Variants in TTC29 observed in about 807,000 individuals in gnomAD.
TTC29 encodes the protein tetratricopeptide repeat domain 29, also known as tetratricopeptide repeat protein 29.
In TTC29, 49 loss-of-function variants were observed where a neutral mutation model predicts 58.1. That is an observed-to-expected ratio of 0.84 (90% CI 0.67 to 1.07). The LOEUF is 1.07. Ranked by LOEUF, TTC29 falls within the 50% of genes least tolerant of loss-of-function variation. The pLI is 0.00. For synonymous variants in TTC29, 209 were observed against 196.8 expected (o/e 1.06, Z -0.52); for missense variants, 582 against 555.6 (o/e 1.05, Z -0.48).
chr4:146,920,134 C>T (rs975555680), intron 4 of TTC29, among the ~76,000 whole-genome samples: 1 of 150,964 alleles, frequency 6.6e-6, no homozygotes, highest in Non-Finnish European at 1.5e-5. Context: ...ATTCATGATT[C>T]CCCATTAAAT....
intron 11 of TTC29, among the ~76,000 whole-genome samples, chr4:146,708,798 C>A (rs1035145459): frequency 6.6e-6 from 1 of 152,002 alleles, no homozygotes; most frequent in Non-Finnish European, 1.5e-5. Context: ...TGTCCTATAT[C>A]CTTACCCTAT....
chr4:146,818,960 C>G (rs1438231771), intron 10 of TTC29, among the ~76,000 whole-genome samples: 1 of 151,690 alleles, frequency 6.6e-6, no homozygotes, highest in Non-Finnish European at 1.5e-5. Context: ...GGAGGGATAG[C>G]ATTAGGAGAG....
intron 4 of TTC29, among the ~76,000 whole-genome samples, chr4:146,930,438 G>A (rs963284655): frequency 1.3e-5 from 2 of 152,102 alleles, no homozygotes; most frequent in African/African-American, 4.8e-5. Context: ...GGTAATATCT[G>A]TGGAAACCCT....
At position 146,903,711 on chromosome 4, in the gene TTC29, T is replaced by C; in HGVS notation, c.419A>G (p.His140Arg). The change falls in exon 6 of 13, where the codon CAT becomes CGT. Residue 140 changes from histidine (H) to arginine (R), a missense_variant. Physicochemically the swap from His to Arg is conservative, Grantham distance 29. Coordinates refer to ENST00000325106, the MANE Select transcript of TTC29 (RefSeq NM_031956.4). ...ACAGGCCAGAGCATACAAGTTATTA[T>C]GTACATCTTCGAAGGATTCTTCAAA... The part of the protein sequence containing the change: ...AERKESFEDV[H>R]NNLYALACYF... 5 of 1,599,234 alleles carry C rather than the reference T, an allele frequency of 3.1e-6. No individual in the cohort carries two copies. The highest frequency in any genetic ancestry group is 4.3e-6 in the Non-Finnish European group (5 of 1,173,318).
chr4:146,744,564 T>C (rs1390955519), intron 11 of TTC29, among the ~76,000 whole-genome samples: 1 of 152,126 alleles, frequency 6.6e-6, no homozygotes, highest in East Asian at 1.9e-4. Flanking sequence ...TTCTATACAT[T>C]CTAGTTCTAT....
chr4:146,893,599 A>G (rs1732539780), intron 6 of TTC29, among the ~76,000 whole-genome samples: 1 of 152,214 alleles, frequency 6.6e-6, no homozygotes, highest in Non-Finnish European at 1.5e-5. Flanking sequence ...AACCTAGGCA[A>G]TACCATTCAG....
intron 8 of TTC29, among the ~76,000 whole-genome samples, chr4:146,853,839 C>T (rs1241671443): frequency 6.6e-6 from 1 of 152,104 alleles, no homozygotes; most frequent in Non-Finnish European, 1.5e-5. Context: ...AGGAAGCCTA[C>T]AAGCTAAGTG....
chr4:146,828,621 A>G (rs1054272211), intron 9 of TTC29, among the ~76,000 whole-genome samples: 1 of 152,148 alleles, frequency 6.6e-6, no homozygotes, highest in Non-Finnish European at 1.5e-5. Context: ...CAAGATATAT[A>G]CAAACAAAGA....
chr4:146,911,939 G>C (rs558211107), intron 4 of TTC29, among the ~76,000 whole-genome samples: 1 of 152,156 alleles, frequency 6.6e-6, no homozygotes, highest in Non-Finnish European at 1.5e-5. Flanking sequence ...AGCTATGTCT[G>C]CAAAGATGGA....
At chr4:146,945,202 A>G (rs1736815828) in intron 1 of TTC29, 125 bp from the exon 2 acceptor site, 1 of 152,246 alleles carries the variant, frequency 6.6e-6, no homozygotes, top group Admixed American at 6.5e-5. Flanking sequence ...ACTTCCTACC[A>G]TCTAAGTTTA....
At chr4:146,765,619 C>T (rs1181329554) in intron 11 of TTC29, among the ~76,000 whole-genome samples, 4 of 152,172 alleles carry the variant, frequency 2.6e-5, no homozygotes, top group Non-Finnish European at 4.4e-5. Context: ...ATACTAAGTA[C>T]GTGATCCTTC....
At chr4:146,745,656 T>C (rs1159017473) in intron 11 of TTC29, among the ~76,000 whole-genome samples, 1 of 152,238 alleles carries the variant, frequency 6.6e-6, no homozygotes, top group South Asian at 2.1e-4. Context: ...TTTGTGACTT[T>C]AGAAACCTCA....
intron 5 of TTC29, among the ~76,000 whole-genome samples, chr4:146,908,601 A>AAGTG (rs1733681935): frequency 1.3e-5 from 2 of 152,182 alleles, no homozygotes; most frequent in Non-Finnish European, 2.9e-5. Context: ...TTCTTGACCC[A>AAGTG]AACTTCAAAG....
At chr4:146,806,620 A>AC (rs1401546079) in intron 10 of TTC29, among the ~76,000 whole-genome samples, 1 of 147,074 alleles carries the variant, frequency 6.8e-6, no homozygotes, top group Non-Finnish European at 1.5e-5. Context: ...ACCAACAAAG[A>AC]TAAAAAAAAA....
chr4:146,716,003 C>A (rs1217760108), intron 11 of TTC29, among the ~76,000 whole-genome samples: 1 of 152,036 alleles, frequency 6.6e-6, no homozygotes, highest in African/African-American at 2.4e-5. Context: ...ATACACTGAT[C>A]ATTATTTTTG....
At chr4:146,762,100 T>G (rs1035869096) in intron 11 of TTC29, among the ~76,000 whole-genome samples, 2 of 151,912 alleles carry the variant, frequency 1.3e-5, no homozygotes, top group Non-Finnish European at 2.9e-5. Flanking sequence ...ATTTCGTCTC[T>G]TATTAAGGTT....
intron 11 of TTC29, among the ~76,000 whole-genome samples, chr4:146,748,951 C>G (rs1014245889): frequency 6.6e-6 from 1 of 152,048 alleles, no homozygotes; most frequent in South Asian, 2.1e-4. Flanking sequence ...CTTAAGCAAA[C>G]AGTAAGATAC....
chr4:146,911,877 A>C (rs1431738251), intron 4 of TTC29, among the ~76,000 whole-genome samples: 1 of 152,192 alleles, frequency 6.6e-6, no homozygotes, highest in East Asian at 1.9e-4. Flanking sequence ...AGTCTGGAAA[A>C]ACAAATACCC....
At chr4:146,761,125 G>A (rs2150061987) in intron 11 of TTC29, among the ~76,000 whole-genome samples, 1 of 151,826 alleles carries the variant, frequency 6.6e-6, no homozygotes, top group Non-Finnish European at 1.5e-5. Context: ...AGGGATAGAA[G>A]ACTACAAATA....
Sources: gnomAD v4.1 joint callset for allele counts (sites outside exome capture counted in the v4.1 genomes callset) on GRCh38, gnomAD v4.1.1 for gene constraint, MANE v1.5 for transcripts, NCBI Gene and HGNC (gene_info 2026-07-23, HGNC 2026-07-21) for gene names.